CFH: variants seen among roughly 807,000 people sequenced by gnomAD.
The protein encoded by CFH is H factor 1 (complement).
CFH carries 53 observed loss-of-function variants against 147.3 expected under a neutral mutation model. The observed-to-expected ratio is 0.36, with a 90% CI of 0.29 to 0.45. The LOEUF (loss-of-function observed/expected upper bound fraction) is 0.45. Among genes scored for constraint, CFH ranks in the 20% least tolerant of loss-of-function variants. The pLI, the probability that CFH is intolerant of heterozygous loss-of-function variation, is 1.00. For missense variants in CFH, 1,380 were observed against 1,498.0 expected, an observed-to-expected ratio of 0.92 and a Z score of 1.30; for synonymous variants, 536 against 489.4, an observed-to-expected ratio of 1.10 and a Z score of -1.26.
At chr1:196,688,767 G>C (rs1050100449) in intron 7 of CFH, among the ~76,000 whole-genome samples, 1 of 151,840 alleles carries the variant, frequency 6.6e-6, no homozygotes, top group Admixed American at 6.6e-5. Flanking sequence ...CGCACCACCA[G>C]GCCCGGCTAA....
At chr1:196,727,067 C>G (rs1490396351) in intron 14 of CFH, 127 bp downstream of exon 14, 3 of 770,604 alleles carry the variant, frequency 3.9e-6, no homozygotes, top group Non-Finnish European at 4.5e-6. Flanking sequence ...AATATGAGAC[C>G]AATCTTTTGC....
chr1:196,694,307 C>T (rs1457630265), intron 9 of CFH, among the ~76,000 whole-genome samples: 2 of 152,130 alleles, frequency 1.3e-5, no homozygotes, highest in South Asian at 4.1e-4. Context: ...TTTCCAGCTT[C>T]GTCCATGTCC....
At chr1:196,693,955 G>GGGGTGTGTGT (rs1553275432) in intron 9 of CFH, among the ~76,000 whole-genome samples, 1 of 142,656 alleles carries the variant, frequency 7.0e-6, no homozygotes, top group Non-Finnish European at 1.5e-5. Context: ...TTAGATAAAT[G>GGGGTGTGTGT]GTGTGTGTGT....
chr1:196,701,214 T>C (rs1668438830), intron 9 of CFH: 5 of 1,513,812 alleles, frequency 3.3e-6, no homozygotes, highest in South Asian at 1.1e-5. Context: ...CTCAGGGAAC[T>C]CTTCTTGTTT....
chr1:196,737,548 T>A lies in CFH; in HGVS notation c.2670T>A (p.Ser890Arg). ...ATTCATCCAGGTCTTCACAAGAAAG[T>A]TATGCACATGGGACTAAATTGAGTT... ...TINSSRSSQE[S>R]YAHGTKLSYT... Residue 890 changes from serine (S) to arginine (R), a missense_variant, in exon 17 of 22, where the codon AGT (serine) becomes AGA (arginine). Transcript: ENST00000367429. The A allele has an allele frequency of 5.6e-6, 9 of 1,613,412 alleles. No individual in the cohort carries two copies. The highest frequency in any genetic ancestry group is 7.6e-6 in the Non-Finnish European group (9 of 1,179,564).
chr1:196,709,022 A>G (rs182612850), intron 9 of CFH, among the ~76,000 whole-genome samples: 174 of 152,272 alleles, frequency 1.1e-3, no homozygotes, highest in African/African-American at 4.1e-3. Context: ...GTTCTTGACA[A>G]CGGAACTACA....
intron 17 of CFH, among the ~76,000 whole-genome samples, chr1:196,738,676 C>A (rs1652681760): frequency 6.6e-6 from 1 of 152,162 alleles, no homozygotes; most frequent in Non-Finnish European, 1.5e-5. Flanking sequence ...GCTTTGTCCC[C>A]CTCCTGGTTG....
At chr1:196,739,802 G>A (rs1190717676) in intron 17 of CFH, among the ~76,000 whole-genome samples, 1 of 152,118 alleles carries the variant, frequency 6.6e-6, no homozygotes, top group Non-Finnish European at 1.5e-5. Context: ...CTTTACAGCA[G>A]CACCCTACTC....
rs1652607272 is a variant in CFH, at chr1:196,737,613, A to G, written c.2735A>G (p.Glu912Gly). 6.2e-7 allele frequency: 1 copy of G among 1,613,404 alleles called. No individual in the cohort carries two copies. The highest frequency in any genetic ancestry group is 8.5e-7 in the Non-Finnish European group (1 of 1,179,658). Residue 912 changes from glutamate (E) to glycine (G), a missense_variant, in exon 17 of 22, where the codon GAA becomes GGA. By Grantham distance (98) the Glu-to-Gly change is moderately conservative (BLOSUM62 -2). Around this residue, in one of 4 missense-constraint regions of CFH, gnomAD observed 830 missense variants for 821.4 expected, o/e 1.01. Coordinates refer to ENST00000367429, the MANE Select transcript of CFH (RefSeq NM_000186.4). Reference sequence around the variant, plus strand: ...GGTTTCAGGATATCTGAAGAAAATGAAACAACATGCTACATGGGAAAATGG... The same window carrying G: ...GGTTTCAGGATATCTGAAGAAAATGGAACAACATGCTACATGGGAAAATGG... ...EGGFRISEEN[E>G]TTCYMGKWSS...
intron 1 of CFH, among the ~76,000 whole-genome samples, chr1:196,668,133 CT>C (rs1667159179): frequency 6.6e-6 from 1 of 151,852 alleles, no homozygotes; most frequent in African/African-American, 2.4e-5. Context: ...TTTATTTACT[CT>C]TCTATTTATT....
Position 196,677,632 on chromosome 1 carries a change from A to G in CFH, c.584A>G (p.Asp195Gly). 1 of 1,613,118 alleles carries G rather than the reference A, an allele frequency of 6.2e-7. No homozygotes were observed. Residue 195 changes from aspartate (D) to glycine (G), a missense_variant, in exon 5 of 22, where the codon GAT becomes GGT. Around this residue, in one of 4 missense-constraint regions of CFH, gnomAD observed 260 missense variants for 263.3 expected, o/e 0.99. Coordinates refer to ENST00000367429, the MANE Select transcript of CFH (RefSeq NM_000186.4). ...EGDEEMHCSD[D>G]GFWSKEKPKC... Reference sequence around the variant, plus strand: ...GATGAAGAAATGCATTGTTCAGACGATGGTTTTTGGAGTAAAGAGAAACCA... The same window carrying G: ...GATGAAGAAATGCATTGTTCAGACGGTGGTTTTTGGAGTAAAGAGAAACCA...
At chr1:196,689,359 T>C in intron 7 of CFH, 61 bp from the exon 8 acceptor site, 4 of 1,427,658 alleles carry the variant, frequency 2.8e-6, no homozygotes, top group Non-Finnish European at 3.9e-6. Context: ...AATTTATCTC[T>C]AATATGAGTG....
intron 1 of CFH, among the ~76,000 whole-genome samples, chr1:196,662,776 G>T (rs895924323): frequency 6.6e-6 from 1 of 152,018 alleles, no homozygotes; most frequent in Non-Finnish European, 1.5e-5. Flanking sequence ...CAGCTACTTG[G>T]GGGGCTGAGG....
intron 11 of CFH, among the ~76,000 whole-genome samples, chr1:196,718,087 C>A (rs1056767943): frequency 2.0e-5 from 3 of 152,036 alleles, no homozygotes; most frequent in Non-Finnish European, 2.9e-5. Context: ...AGATGAAAGG[C>A]AGTGTCAAAG....
chr1:196,703,982 CAAAAAA>C (rs386369224), intron 9 of CFH, among the ~76,000 whole-genome samples: 3 of 60,608 alleles, frequency 4.9e-5, no homozygotes, highest in African/African-American at 1.4e-4. Context: ...AAGACTCTGT[CAAAAAA>C]AAAAAAAAAA....
In CFH at chr1:196,726,920, C is replaced by A. The variant is rs756847132; in HGVS notation, c.2216C>A (p.Thr739Asn). 9.9e-6 allele frequency: 16 copies of A among 1,613,280 alleles called. No individual in the cohort carries two copies. The highest frequency in any genetic ancestry group is 1.4e-5 in the Non-Finnish European group (16 of 1,179,532). ...RSITCIHGVW[T>N]QLPQCVAIDK... is the part of the protein sequence containing the mutation. ...ATTACGTGTATTCATGGAGTATGGA[C>A]CCAACTTCCCCAGTGTGTGGGTGAG... The change falls in exon 14 of 22, where the codon ACC becomes AAC. Residue 739 changes from threonine to asparagine, a missense_variant. Transcript: ENST00000367429.
At chr1:196,673,338 G>GTGCAGTGGCGCAATT (rs2149077807) in intron 2 of CFH, 175 bp downstream of exon 2, 1 of 630,246 alleles carries the variant, frequency 1.6e-6, no homozygotes, top group Non-Finnish European at 2.7e-6. Context: ...CTAGGCTGCA[G>GTGCAGTGGCGCAATT]TGCAGTGGCG....
intron 19 of CFH, 88 bp downstream of exon 19, chr1:196,742,139 C>T: frequency 7.8e-7 from 1 of 1,278,912 alleles, no homozygotes; most frequent in South Asian, 1.2e-5. Context: ...CTTTGGGAGG[C>T]CGAGGTGGGC....
chr1:196,675,683 A>G (rs536407592), intron 3 of CFH, among the ~76,000 whole-genome samples: 26 of 152,266 alleles, frequency 1.7e-4, no homozygotes, highest in Admixed American at 5.2e-4. Context: ...ACCAAGGATT[A>G]TGATTATTTT....
Sources: gnomAD v4.1 joint callset for allele counts (sites outside exome capture counted in the v4.1 genomes callset) on GRCh38, gnomAD v4.1.1 for gene constraint, gnomAD v4.1.1 regional missense constraint, MANE v1.5 for transcripts, NCBI Gene and HGNC (gene_info 2026-07-23, HGNC 2026-07-21) for gene names.